Variants in AGAP1 observed in about 807,000 individuals in gnomAD.
AGAP1 encodes arf-GAP with GTPase, ANK repeat and PH domain-containing protein 1.
AGAP1 carries 29 observed loss-of-function variants against 105.3 expected under a neutral mutation model. The ratio of observed to expected loss-of-function variants is 0.28; its 90% CI spans 0.21 to 0.38. The LOEUF (loss-of-function observed/expected upper bound fraction) is 0.38. Among genes scored for constraint, AGAP1 ranks in the 10% least tolerant of loss-of-function variants. The probability of loss-of-function intolerance (pLI) is 1.00; values close to 1 mark genes in which losing one functional copy is unlikely to be tolerated. For synonymous variants in AGAP1, 509 were observed against 485.9 expected, an observed-to-expected ratio of 1.05 and a Z score of -0.63; for missense variants, 998 against 1,165.1, an observed-to-expected ratio of 0.86 and a Z score of 2.09.
chr2:236,107,709 C>A (rs13019003), intron 16 of AGAP1, among the ~76,000 whole-genome samples: 335 of 152,282 alleles, frequency 2.2e-3, no homozygotes, highest in Non-Finnish European at 3.6e-3. Flanking sequence ...TGCCAGCCTG[C>A]ACAGGGCAGT....
At chr2:235,670,345 G>T in intron 1 of AGAP1, 1 of 499,238 alleles carries the variant, frequency 2.0e-6, no homozygotes, top group South Asian at 2.8e-5. Context: ...CCGAGGAACC[G>T]GAGGGTCCCC....
Position 235,989,942 on chromosome 2 carries a change from C to T in AGAP1, c.1645+21319C>T, listed in dbSNP as rs372165224. ...CTGGACAGTTTAGATCATTCAAATG[C>T]GTAGCCGGGGTTGGGAACCAGTGGT... On this transcript the variant is annotated intron_variant, in intron 13 of 17. Coordinates refer to ENST00000304032, the MANE Select transcript of AGAP1 (RefSeq NM_001037131.3). This position sits in a 1 kb window ranked among gnomAD's most constrained non-coding sequence, Gnocchi z 4.4. 1.3e-5 allele frequency among the ~76,000 whole-genome samples: 2 copies of T among 151,988 alleles called. No homozygotes were observed. Among genetic ancestry groups the T allele is most frequent in the Admixed American group, 1.3e-4 (2 of 15,248 alleles).
chr2:235,576,315 G>C (rs1394885529), intron 1 of AGAP1, among the ~76,000 whole-genome samples: 1 of 152,168 alleles, frequency 6.6e-6, no homozygotes, highest in African/African-American at 2.4e-5. Flanking sequence ...GTGTTTGGGG[G>C]CCAGAAGTTG....
At chr2:235,512,317 C>G (rs1295120948) in intron 1 of AGAP1, among the ~76,000 whole-genome samples, 1 of 152,148 alleles carries the variant, frequency 6.6e-6, no homozygotes, top group Non-Finnish European at 1.5e-5. Flanking sequence ...AGAAAATTGG[C>G]CAGGTGCATT....
intron 9 of AGAP1, among the ~76,000 whole-genome samples, chr2:235,838,689 T>C (rs1960455976): frequency 6.6e-6 from 1 of 152,270 alleles, no homozygotes; most frequent in Non-Finnish European, 1.5e-5. Context: ...TGTGCAGATC[T>C]GACTGTACTA....
At chr2:236,085,303 G>A (rs1428012003) in intron 16 of AGAP1, among the ~76,000 whole-genome samples, 1 of 152,094 alleles carries the variant, frequency 6.6e-6, no homozygotes, top group Non-Finnish European at 1.5e-5. Flanking sequence ...AGGGGTGGTA[G>A]GGGGGCAGTG....
At chr2:235,835,298 C>A (rs1426085465) in intron 9 of AGAP1, among the ~76,000 whole-genome samples, 1 of 152,214 alleles carries the variant, frequency 6.6e-6, no homozygotes, top group Non-Finnish European at 1.5e-5. Flanking sequence ...TACACCCCAA[C>A]CCTGGTCTGG....
At chr2:235,568,159 A>G (rs1944406520) in intron 1 of AGAP1, among the ~76,000 whole-genome samples, 1 of 152,092 alleles carries the variant, frequency 6.6e-6, no homozygotes, top group African/African-American at 2.4e-5. Context: ...AGCCTCCATG[A>G]AAGGAGGCCC....
chr2:235,783,309 C>T (rs1279703603), intron 6 of AGAP1: 1 of 469,970 alleles, frequency 2.1e-6, no homozygotes, highest in South Asian at 1.6e-5. Context: ...CTAACATTTA[C>T]ATACCTCAGG....
At chr2:235,501,462 A>C (rs539904216) in intron 1 of AGAP1, among the ~76,000 whole-genome samples, 121 of 152,294 alleles carry the variant, frequency 7.9e-4, no homozygotes, top group Non-Finnish European at 2.2e-4. Flanking sequence ...AAAAGACAGG[A>C]GCTAGATGTT....
intron 9 of AGAP1, among the ~76,000 whole-genome samples, chr2:235,876,420 A>T (rs1023557300): frequency 2.0e-5 from 3 of 152,034 alleles, no homozygotes; most frequent in Admixed American, 2.0e-4. Context: ...GCTAAACCTT[A>T]AGTGTCACCA....
rs1224753578 is a variant in AGAP1, at chr2:235,961,667, T to C, written c.1484-6795T>C. Among the ~76,000 whole-genome samples the C allele has an allele frequency of 5.3e-5, 8 of 152,160 alleles. No homozygotes were observed. Among genetic ancestry groups the C allele is most frequent in the Non-Finnish European group, 8.8e-5 (6 of 68,034 alleles). On this transcript the variant is annotated intron_variant, in intron 12 of 17. Transcript: ENST00000304032. The surrounding 1 kb of genome is among the most constrained non-coding windows in gnomAD (Gnocchi z 5.9). The stretch of plus-strand genomic sequence containing the variant: ...GCTCATGCCTATAATCCCAGCACTT[T>C]GGGAGGCCAAGGCGGATGGATCATG...
rs191940225 is a variant in AGAP1 at position 236,102,224 on chromosome 2, T to C, written c.2115-17968T>C. On this transcript the variant is annotated intron_variant, in intron 16 of 17. Coordinates refer to ENST00000304032, the MANE Select transcript of AGAP1 (RefSeq NM_001037131.3). ...CAAGGTCAGGAGATCGAGACCATCC[T>C]GGCTAACACGGTGAAACCCTGTTTC... Among the ~76,000 whole-genome samples the C allele has an allele frequency of 2.3e-3, 347 of 152,214 alleles. 3 individuals are homozygous for C. The highest frequency in any genetic ancestry group is 1.3e-3 in the Admixed American group (20 of 15,304).
Position 235,741,451 on chromosome 2 carries a change from T to A in AGAP1, c.396+403T>A, listed in dbSNP as rs969535900. On this transcript the variant is annotated intron_variant, in intron 4 of 17. Coordinates refer to ENST00000304032, the MANE Select transcript of AGAP1 (RefSeq NM_001037131.3). This position sits in a 1 kb window ranked among gnomAD's most constrained non-coding sequence, Gnocchi z 4.9. ...AGAGCTTGCTGGGTGCAATTGGGAG[T>A]CCCACCTTCTCTCTGTCTCTGGTAA... 2.6e-5 allele frequency among the ~76,000 whole-genome samples: 4 copies of A among 152,070 alleles called. No homozygotes were observed. The highest frequency in any genetic ancestry group is 6.5e-5 in the Admixed American group (1 of 15,274).
chr2:235,562,151 G>C (rs560862351), intron 1 of AGAP1, among the ~76,000 whole-genome samples: 1 of 152,092 alleles, frequency 6.6e-6, no homozygotes, highest in Non-Finnish European at 1.5e-5. Context: ...AACTTTTAAG[G>C]CTATTCACCA....
chr2:235,821,628 C>T (rs921400327), intron 9 of AGAP1, among the ~76,000 whole-genome samples: 1 of 152,184 alleles, frequency 6.6e-6, no homozygotes, highest in Non-Finnish European at 1.5e-5. Flanking sequence ...CACCCAGCTT[C>T]CTTCACTGTG....
chr2:236,098,217 G>A (rs2059243572), intron 16 of AGAP1, among the ~76,000 whole-genome samples: 1 of 152,098 alleles, frequency 6.6e-6, no homozygotes, highest in South Asian at 2.1e-4. Context: ...GGGATTGCTG[G>A]ACTATACACT....
chr2:235,726,693 C>T (rs556729901), intron 3 of AGAP1, among the ~76,000 whole-genome samples: 20 of 152,218 alleles, frequency 1.3e-4, no homozygotes, highest in East Asian at 7.7e-4. Context: ...GCCAGGGAAC[C>T]GCCTGCTCTG....
In AGAP1 at chr2:236,044,519, T is replaced by G. The variant is rs1019656635; in HGVS notation, c.1891+3678T>G. On this transcript the variant is annotated intron_variant, in intron 15 of 17. Transcript: ENST00000304032. This position sits in a 1 kb window ranked among gnomAD's most constrained non-coding sequence, Gnocchi z 5.7. ...CACCCTGCTGCGTGGACCTCACAGG[T>G]GCCCCTCTCTCCTGGGCCTTTCTCA... Among the ~76,000 whole-genome samples the G allele has an allele frequency of 6.6e-6, 1 of 152,066 alleles. No homozygotes were observed. The highest frequency in any genetic ancestry group is 1.5e-5 in the Non-Finnish European group (1 of 67,984).
Sources: gnomAD v4.1 joint callset for allele counts (sites outside exome capture counted in the v4.1 genomes callset) on GRCh38, gnomAD v4.1.1 for gene constraint, Gnocchi (gnomAD v3.1) non-coding constraint, MANE v1.5 for transcripts, NCBI Gene and HGNC (gene_info 2026-07-23, HGNC 2026-07-21) for gene names.